PTPRD: variants seen among roughly 807,000 people sequenced by gnomAD.
PTPRD encodes the protein protein tyrosine phosphatase receptor type D.
Under a neutral mutation model 214.5 loss-of-function variants are expected in PTPRD, and 34 were observed. The observed-to-expected ratio is 0.16, with a 90% CI of 0.12 to 0.21. The LOEUF is 0.21. Ranked by LOEUF, PTPRD falls within the 10% of genes least tolerant of loss-of-function variation. PTPRD has a pLI of 1.00. For synonymous variants in PTPRD, 1,128 were observed against 845.7 expected (o/e 1.33, Z -5.79); for missense variants, 2,545 against 2,398.7 (o/e 1.06, Z -1.27).
At chr9:9,044,132 A>G (rs1006926906) in intron 10 of PTPRD, among the ~76,000 whole-genome samples, 3 of 152,176 alleles carry the variant, frequency 2.0e-5, no homozygotes, top group African/African-American at 7.2e-5. Flanking sequence ...AGTTATTTTT[A>G]TATGACAACA....
At chr9:10,093,368 G>A (rs908249532) in intron 3 of PTPRD, among the ~76,000 whole-genome samples, 1 of 151,418 alleles carries the variant, frequency 6.6e-6, no homozygotes, top group Non-Finnish European at 1.5e-5. Context: ...AATTATCAGA[G>A]AAATGCAAAT....
intron 2 of PTPRD, among the ~76,000 whole-genome samples, chr9:10,436,623 A>G (rs1462357306): frequency 1.3e-5 from 2 of 151,818 alleles, no homozygotes; most frequent in East Asian, 3.9e-4. Context: ...ACCCCTACAC[A>G]TATGTATATA....
intron 11 of PTPRD, among the ~76,000 whole-genome samples, chr9:8,774,239 C>T (rs2095365060): frequency 8.6e-6 from 1 of 116,122 alleles, no homozygotes; most frequent in Non-Finnish European, 1.9e-5. Flanking sequence ...AATTTGGTTT[C>T]CTTCAACGTC....
At chr9:9,059,085 G>A (rs1569517675) in intron 10 of PTPRD, among the ~76,000 whole-genome samples, 1 of 152,130 alleles carries the variant, frequency 6.6e-6, no homozygotes, top group Non-Finnish European at 1.5e-5. Context: ...TGAAAGTTTG[G>A]AACAGAGGCA....
At position 9,479,568 on chromosome 9, in the gene PTPRD, A is replaced by G. The variant is rs548275958; in HGVS notation, c.-236-82086T>C. On this transcript the variant is annotated intron_variant, in intron 8 of 45. Transcript: ENST00000381196. ...AAAAACAAGTCATTGGATTTAATTA[A>G]CTTGCTTTTTCTATATAGAATTCAA... Among the ~76,000 whole-genome samples the G allele has an allele frequency of 3.3e-5, 5 of 152,240 alleles. No homozygotes were observed. The South Asian group carries it at 1.0e-3, about 32-fold the overall frequency.
chr9:9,720,098 C>A (rs761810844), intron 7 of PTPRD, among the ~76,000 whole-genome samples: 33 of 152,150 alleles, frequency 2.2e-4, no homozygotes, highest in Non-Finnish European at 4.6e-4. Flanking sequence ...CAGGCATGAG[C>A]AAAACTCAAG....
chr9:10,365,933 C>G (rs534944559), intron 2 of PTPRD, among the ~76,000 whole-genome samples: 1 of 152,294 alleles, frequency 6.6e-6, no homozygotes, highest in East Asian at 1.9e-4. Context: ...ATCCTCTACT[C>G]TGTTTCCATA....
intron 3 of PTPRD, among the ~76,000 whole-genome samples, chr9:10,261,845 A>G (rs1284167766): frequency 6.6e-6 from 1 of 152,178 alleles, no homozygotes; most frequent in African/African-American, 2.4e-5. Context: ...GTATCAAAGT[A>G]GATGGGAAGC....
At chr9:9,456,877 G>T (rs2093082605) in intron 8 of PTPRD, among the ~76,000 whole-genome samples, 1 of 151,842 alleles carries the variant, frequency 6.6e-6, no homozygotes, top group African/African-American at 2.4e-5. Flanking sequence ...TTACTAAAAT[G>T]TGATATTTTC....
intron 9 of PTPRD, among the ~76,000 whole-genome samples, chr9:9,242,923 T>C (rs2099971106): frequency 6.9e-6 from 1 of 144,286 alleles, no homozygotes; most frequent in Admixed American, 7.1e-5. Flanking sequence ...GCTCTTATTT[T>C]TAGAACTTTC....
intron 9 of PTPRD, among the ~76,000 whole-genome samples, chr9:9,323,444 C>T (rs1967741116): frequency 6.6e-6 from 1 of 152,060 alleles, no homozygotes; most frequent in East Asian, 1.9e-4. Flanking sequence ...AGTAATATGC[C>T]AATGCTAATC....
intron 30 of PTPRD, among the ~76,000 whole-genome samples, chr9:8,472,990 T>C (rs1438825644): frequency 6.6e-6 from 1 of 152,120 alleles, no homozygotes; most frequent in East Asian, 1.9e-4. Flanking sequence ...GCACAGTGTG[T>C]GTGGCATGTA....
chr9:9,812,993 T>C (rs192895427), intron 5 of PTPRD, among the ~76,000 whole-genome samples: 194 of 148,406 alleles, frequency 1.3e-3, no homozygotes, highest in African/African-American at 5.0e-3. Flanking sequence ...ACTAGAAGTC[T>C]ATAAGAGGAG....
At chr9:10,310,870 G>A (rs551888124) in intron 3 of PTPRD, among the ~76,000 whole-genome samples, 262 of 152,076 alleles carry the variant, frequency 1.7e-3, no homozygotes, top group African/African-American at 6.0e-3. Flanking sequence ...TGTTACTCTG[G>A]GCAGAGGACA....
At chr9:9,592,499 G>C (rs2092833645) in intron 7 of PTPRD, among the ~76,000 whole-genome samples, 1 of 151,980 alleles carries the variant, frequency 6.6e-6, no homozygotes, top group Non-Finnish European at 1.5e-5. Context: ...TTATTTAACA[G>C]TAGGAGAAGG....
At chr9:8,325,889 G>T (rs1028839254) in intron 44 of PTPRD, among the ~76,000 whole-genome samples, 10 of 151,982 alleles carry the variant, frequency 6.6e-5, no homozygotes, top group Admixed American at 6.6e-4. Flanking sequence ...TTGGTGTATA[G>T]GAATGCTTGT....
chr9:10,543,189 G>C (rs1240517370), intron 2 of PTPRD, among the ~76,000 whole-genome samples: 1 of 152,042 alleles, frequency 6.6e-6, no homozygotes, highest in Non-Finnish European at 1.5e-5. Flanking sequence ...CCGGCCACTA[G>C]CTTTTCATTT....
intron 3 of PTPRD, among the ~76,000 whole-genome samples, chr9:10,254,747 G>C (rs2093099619): frequency 6.6e-6 from 1 of 152,080 alleles, no homozygotes; most frequent in South Asian, 2.1e-4. Flanking sequence ...ATGATTTTCT[G>C]TCCTGCTCAG....
intron 2 of PTPRD, among the ~76,000 whole-genome samples, chr9:10,461,484 T>G (rs1284031985): frequency 1.3e-5 from 2 of 152,202 alleles, no homozygotes; most frequent in African/African-American, 4.8e-5. Flanking sequence ...TATCATAGTT[T>G]ATGAACATTA....
Sources: gnomAD v4.1 joint callset for allele counts (sites outside exome capture counted in the v4.1 genomes callset) on GRCh38, gnomAD v4.1.1 for gene constraint, MANE v1.5 for transcripts, NCBI Gene and HGNC (gene_info 2026-07-23, HGNC 2026-07-21) for gene names.